The following LIMS1 variants were observed in gnomAD, a reference collection of about 807,000 sequenced individuals.
LIMS1 encodes LIM zinc finger domain containing 1.
Under a neutral mutation model 44.1 loss-of-function variants are expected in LIMS1, and 18 were observed. The observed-to-expected ratio is 0.41, with a 90% CI of 0.28 to 0.61. The LOEUF (loss-of-function observed/expected upper bound fraction) is 0.61. Among genes scored for constraint, LIMS1 ranks in the 20% least tolerant of loss-of-function variants. The pLI is 0.32. For synonymous variants in LIMS1, 93 were observed against 149.1 expected, an observed-to-expected ratio of 0.62 and a Z score of 2.74; for missense variants, 201 against 422.0, an observed-to-expected ratio of 0.48 and a Z score of 4.59.
intron 1 of LIMS1, among the ~76,000 whole-genome samples, chr2:108,640,371 C>T (rs1442451558): frequency 6.6e-6 from 1 of 152,216 alleles, no homozygotes; most frequent in Non-Finnish European, 1.5e-5. Context: ...CCACATAGGT[C>T]GTCAAGACTT....
chr2:108,534,284 C>A, upstream of LIMS1: 1 of 177,444 alleles, frequency 5.6e-6, no homozygotes, highest in Non-Finnish European at 1.2e-5. Context: ...CAACGCCCCG[C>A]CCCCCCGCGC....
chr2:108,657,746 T>G (rs1691002586), intron 1 of LIMS1: 2 of 152,454 alleles, frequency 1.3e-5, no homozygotes, highest in African/African-American at 4.8e-5. Flanking sequence ...TCCTTTTTTT[T>G]GTGACATTTT....
At chr2:108,567,257 CAT>C (rs1198747393) in intron 1 of LIMS1, among the ~76,000 whole-genome samples, 5 of 152,070 alleles carry the variant, frequency 3.3e-5, no homozygotes, top group African/African-American at 9.7e-5. Flanking sequence ...CAAAGATGTA[CAT>C]GTTAGGTTAA....
intron 1 of LIMS1, among the ~76,000 whole-genome samples, chr2:108,641,425 C>G (rs1316164531): frequency 6.6e-6 from 1 of 152,110 alleles, no homozygotes; most frequent in Non-Finnish European, 1.5e-5. Context: ...ATTGTAATTT[C>G]TGGACTTTGA....
chr2:108,635,417 A>G (rs1479092303), intron 1 of LIMS1, among the ~76,000 whole-genome samples: 1 of 129,272 alleles, frequency 7.7e-6, no homozygotes, highest in Non-Finnish European at 1.6e-5. Flanking sequence ...GGAAAGAGCA[A>G]GACTTCATCT....
intron 1 of LIMS1, among the ~76,000 whole-genome samples, chr2:108,640,379 C>G (rs1008510322): frequency 6.6e-6 from 1 of 152,256 alleles, no homozygotes; most frequent in African/African-American, 2.4e-5. Context: ...GTCGTCAAGA[C>G]TTAAAACTGG....
At chr2:108,665,543 T>G (rs1290158941) in intron 2 of LIMS1, among the ~76,000 whole-genome samples, 1 of 152,192 alleles carries the variant, frequency 6.6e-6, no homozygotes, top group Non-Finnish European at 1.5e-5. Context: ...TTTATTTTTT[T>G]TGAGACAGAG....
intron 1 of LIMS1, among the ~76,000 whole-genome samples, chr2:108,640,443 C>T (rs1395597048): frequency 6.6e-6 from 1 of 152,188 alleles, no homozygotes; most frequent in Non-Finnish European, 1.5e-5. Flanking sequence ...CTGTTGTGGG[C>T]AGTGTCTCTG....
intron 1 of LIMS1, among the ~76,000 whole-genome samples, chr2:108,632,587 C>CA (rs1368126471): frequency 6.6e-6 from 1 of 152,110 alleles, no homozygotes. Context: ...TCTTATTGCA[C>CA]AAAATGGTAT....
chr2:108,548,535 T>C (rs1323564904), intron 1 of LIMS1, among the ~76,000 whole-genome samples: 1 of 152,232 alleles, frequency 6.6e-6, no homozygotes, highest in Non-Finnish European at 1.5e-5. Flanking sequence ...GTGGTATTCA[T>C]GATGACAGAG....
intron 1 of LIMS1, 83 bp downstream of exon 1, chr2:108,534,677 CGCGGGCGG>C: frequency 1.1e-5 from 9 of 811,086 alleles, no homozygotes; most frequent in Non-Finnish European, 1.3e-5. Context: ...CCGGGCCTGG[CGCGGGCGG>C]GCGGCCGGGC....
At chr2:108,541,931 T>G (rs1684330295) in intron 1 of LIMS1, among the ~76,000 whole-genome samples, 1 of 152,354 alleles carries the variant, frequency 6.6e-6, no homozygotes, top group South Asian at 2.1e-4. Context: ...TTCTGTTTTG[T>G]TTTATAGTTT....
At chr2:108,536,360 A>C (rs918846263) in intron 1 of LIMS1, among the ~76,000 whole-genome samples, 1 of 152,210 alleles carries the variant, frequency 6.6e-6, no homozygotes, top group African/African-American at 2.4e-5. Flanking sequence ...CCATCATTTT[A>C]ATTTCTGTCT....
rs377556519 is a variant in LIMS1, at chr2:108,585,611, A to G, written c.32+51017A>G. Among the ~76,000 whole-genome samples the G allele has an allele frequency of 3.5e-4, 54 of 152,216 alleles. No individual in the cohort carries two copies. In the East Asian group the frequency reaches 9.7e-3, roughly 27 times the overall value. On this transcript the variant is annotated intron_variant, in intron 1 of 9. Transcript: ENST00000544547. ...GAAGTCATCAGGGAGAATGTGCGCA[A>G]TGAGAGGAGCAGAAAGCCAAGGTCA...
At position 108,569,764 on chromosome 2, in the gene LIMS1, C is replaced by CCTTTTTTTTTTTT. The variant is rs753691810; in HGVS notation, c.32+35170_32+35171insCTTTTTTTTTTTT. Among the ~76,000 whole-genome samples the CCTTTTTTTTTTTT allele has an allele frequency of 8.7e-3, 984 of 113,050 alleles. 214 individuals carry two copies. The highest frequency in any genetic ancestry group is 0.086 in the East Asian group (263 of 3,056). 74.2% of individuals were successfully genotyped at this position (113,050 alleles called of 152,430 possible). ...TACAAACACTCACCGCCATATCTGG[C>CCTTTTTTTTTTTT]TTTTTTTTTTTTTTTTTTTAGTGAT... On this transcript the variant is annotated intron_variant, in intron 1 of 9. Coordinates refer to ENST00000544547, the Ensembl canonical transcript of LIMS1.
chr2:108,649,005 C>T (rs1690271495), intron 1 of LIMS1, among the ~76,000 whole-genome samples: 1 of 152,172 alleles, frequency 6.6e-6, no homozygotes, highest in South Asian at 2.1e-4. Flanking sequence ...AACTAAAGAG[C>T]TTCTGCATAG....
chr2:108,612,057 TATATATATATATAC>T (rs1687686802), intron 1 of LIMS1, among the ~76,000 whole-genome samples: 1 of 101,558 alleles, frequency 9.8e-6, no homozygotes, highest in African/African-American at 4.7e-5. Context: ...CACACACATA[TATATATATATATAC>T]ATATATATAT....
At chr2:108,646,630 C>T (rs751970472) in intron 1 of LIMS1, among the ~76,000 whole-genome samples, 15 of 152,192 alleles carry the variant, frequency 9.9e-5, no homozygotes, top group Non-Finnish European at 1.9e-4. Flanking sequence ...TAACTAAGAT[C>T]AGAGCAGAAA....
At chr2:108,558,319 G>A (rs3927014) in intron 1 of LIMS1, among the ~76,000 whole-genome samples, 58,715 of 151,366 alleles carry the variant, frequency 0.39, 12,826 homozygotes, top group East Asian at 0.89. Flanking sequence ...GTGGGTTCAC[G>A]CCATTCTCCT....
Sources: gnomAD v4.1 joint callset for allele counts (sites outside exome capture counted in the v4.1 genomes callset) on GRCh38, gnomAD v4.1.1 for gene constraint, MANE v1.5 for transcripts, NCBI Gene and HGNC (gene_info 2026-07-23, HGNC 2026-07-21) for gene names.